CDH20: variants seen among roughly 807,000 people sequenced by gnomAD.
CDH20 encodes cadherin 20.
Under a neutral mutation model 74.2 loss-of-function variants are expected in CDH20, and 29 were observed. The ratio of observed to expected loss-of-function variants is 0.39; its 90% confidence interval spans 0.29 to 0.53. The LOEUF (loss-of-function observed/expected upper bound fraction) is 0.53. Among genes scored for constraint, CDH20 ranks in the 20% least tolerant of loss-of-function variants. The pLI, the probability that CDH20 is intolerant of heterozygous loss-of-function variation, is 0.69. For missense variants in CDH20, 988 were observed against 1,048.3 expected, an observed-to-expected ratio of 0.94 and a Z score of 0.79; for synonymous variants, 469 against 405.4, an observed-to-expected ratio of 1.16 and a Z score of -1.88.
intron 6 of CDH20, among the ~76,000 whole-genome samples, chr18:61,511,948 T>C (rs142240231): frequency 1.3e-3 from 198 of 152,308 alleles, no homozygotes; most frequent in African/African-American, 4.6e-3. Flanking sequence ...ATAATAAATA[T>C]TTTAGAGGCC....
intron 1 of CDH20, among the ~76,000 whole-genome samples, chr18:61,421,962 T>C (rs550006409): frequency 1.1e-3 from 163 of 152,252 alleles, no homozygotes; most frequent in Non-Finnish European, 1.9e-3. Context: ...GCTCATATCA[T>C]ACAATGAACT....
At chr18:61,537,340 A>G (rs1171321954) in intron 8 of CDH20, among the ~76,000 whole-genome samples, 1 of 152,190 alleles carries the variant, frequency 6.6e-6, no homozygotes, top group African/African-American at 2.4e-5. Flanking sequence ...CATCATATTA[A>G]GGAAATAATT....
At chr18:61,341,427 C>A (rs58807713) in intron 1 of CDH20, among the ~76,000 whole-genome samples, 37 of 151,224 alleles carry the variant, frequency 2.4e-4, no homozygotes, top group Admixed American at 1.8e-3. Flanking sequence ...CTTGAGCCCC[C>A]CCCCCGCCTA....
intron 1 of CDH20, among the ~76,000 whole-genome samples, chr18:61,373,150 C>A (rs1233395135): frequency 6.6e-6 from 1 of 151,016 alleles, no homozygotes; most frequent in African/African-American, 2.4e-5. Flanking sequence ...CATGTGAATG[C>A]ATGATTTAGA....
chr18:61,337,038 G>A (rs1035185898), intron 1 of CDH20, among the ~76,000 whole-genome samples: 1 of 152,178 alleles, frequency 6.6e-6, no homozygotes, highest in Non-Finnish European at 1.5e-5. Flanking sequence ...GGTGTGACTC[G>A]AATAATTAGA....
intron 1 of CDH20, among the ~76,000 whole-genome samples, chr18:61,381,069 G>T (rs1232686130): frequency 6.6e-6 from 1 of 152,158 alleles, no homozygotes; most frequent in Admixed American, 6.5e-5. Context: ...AAGGACAGGG[G>T]TGTTTCTCAT....
chr18:61,497,653 C>T (rs907792083), intron 2 of CDH20, among the ~76,000 whole-genome samples: 6 of 152,276 alleles, frequency 3.9e-5, no homozygotes, highest in South Asian at 2.1e-4. Flanking sequence ...GGGTGCCTCA[C>T]GTGCATTAAT....
intron 1 of CDH20, among the ~76,000 whole-genome samples, chr18:61,459,668 G>A (rs1004963292): frequency 2.0e-5 from 3 of 152,100 alleles, no homozygotes; most frequent in African/African-American, 7.2e-5. Flanking sequence ...CCACCCCGGG[G>A]TGACCTCAGA....
At chr18:61,454,088 G>A (rs1173812192) in intron 1 of CDH20, among the ~76,000 whole-genome samples, 3 of 152,024 alleles carry the variant, frequency 2.0e-5, no homozygotes, top group Non-Finnish European at 4.4e-5. Context: ...AGTGCTTATT[G>A]GCCATCTGGA....
chr18:61,506,001 A>G (rs1193648002), intron 5 of CDH20, among the ~76,000 whole-genome samples: 1 of 152,188 alleles, frequency 6.6e-6, no homozygotes, highest in Non-Finnish European at 1.5e-5. Context: ...TCTTTTTCAC[A>G]AATATTACTA....
intron 2 of CDH20, 109 bp downstream of exon 2, chr18:61,490,908 C>G (rs925745369): frequency 6.6e-6 from 8 of 1,204,198 alleles, no homozygotes; most frequent in Admixed American, 5.7e-5. Flanking sequence ...AAAACTAGAA[C>G]AAGTGGTACG....
At chr18:61,526,913 G>C (rs968541285) in intron 6 of CDH20, among the ~76,000 whole-genome samples, 1 of 152,184 alleles carries the variant, frequency 6.6e-6, no homozygotes, top group South Asian at 2.1e-4. Flanking sequence ...GGGTGTGGTG[G>C]CTTATGCCTG....
At chr18:61,457,946 A>G (rs1360635685) in intron 1 of CDH20, among the ~76,000 whole-genome samples, 4 of 152,180 alleles carry the variant, frequency 2.6e-5, no homozygotes, top group Admixed American at 6.5e-5. Flanking sequence ...TGGGTTATCA[A>G]TCAACTCCTT....
intron 1 of CDH20, among the ~76,000 whole-genome samples, chr18:61,360,008 G>A (rs565166402): frequency 1.3e-5 from 2 of 152,184 alleles, no homozygotes; most frequent in East Asian, 3.9e-4. Flanking sequence ...TCAAATTTAA[G>A]TGTGTATGAG....
At chr18:61,356,437 T>C (rs1910498107) in intron 1 of CDH20, among the ~76,000 whole-genome samples, 1 of 152,196 alleles carries the variant, frequency 6.6e-6, no homozygotes, top group South Asian at 2.1e-4. Flanking sequence ...TTCAACAAAA[T>C]CTTACACCTT....
At chr18:61,423,100 G>C (rs1350003960) in intron 1 of CDH20, among the ~76,000 whole-genome samples, 1 of 152,174 alleles carries the variant, frequency 6.6e-6, no homozygotes, top group African/African-American at 2.4e-5. Flanking sequence ...TTCAATGGCT[G>C]GTCCAATGCG....
At chr18:61,499,575 C>T in intron 3 of CDH20, 95 bp downstream of exon 3, 1 of 1,014,686 alleles carries the variant, frequency 9.9e-7, no homozygotes. Flanking sequence ...TGTAGATACA[C>T]ATATATTCAG....
At chr18:61,357,417 C>A (rs570591894) in intron 1 of CDH20, among the ~76,000 whole-genome samples, 2 of 152,238 alleles carry the variant, frequency 1.3e-5, no homozygotes, top group South Asian at 2.1e-4. Flanking sequence ...CCTCCTATAA[C>A]AAGTCTAGAG....
At chr18:61,463,208 G>A (rs949585024) in intron 1 of CDH20, among the ~76,000 whole-genome samples, 2 of 151,992 alleles carry the variant, frequency 1.3e-5, no homozygotes, top group African/African-American at 2.4e-5. Context: ...ACCTTCATGA[G>A]TGCTCTCAGC....
Sources: gnomAD v4.1 joint callset for allele counts (sites outside exome capture counted in the v4.1 genomes callset) on GRCh38, gnomAD v4.1.1 for gene constraint, MANE v1.5 for transcripts, NCBI Gene and HGNC (gene_info 2026-07-23, HGNC 2026-07-21) for gene names.